Variants in EPB41L3 observed in about 807,000 individuals in gnomAD.
The protein encoded by EPB41L3 is band 4.1-like protein 3.
A neutral mutation model predicts 127.1 loss-of-function variants in EPB41L3; 57 were observed. The ratio of observed to expected loss-of-function variants is 0.45; its 90% CI spans 0.36 to 0.56. The LOEUF is 0.56. Among genes scored for constraint, EPB41L3 ranks in the 20% least tolerant of loss-of-function variants. EPB41L3 has a pLI of 0.00. For synonymous variants in EPB41L3, 572 were observed against 549.5 expected (o/e 1.04, Z -0.57); for missense variants, 1,273 against 1,372.2 (o/e 0.93, Z 1.14).
rs536556814 is a variant in EPB41L3 at position 5,412,160 on chromosome 18, G to T, written c.2068-1541C>A. ...GTTCAGGTGTACAGAATAACTCAAA[G>T]ATCTTAGGCTTTCAAGAATAAATAA... On this transcript the variant is annotated intron_variant, in intron 13 of 22. Coordinates refer to ENST00000341928, the MANE Select transcript of EPB41L3 (RefSeq NM_012307.5). 5.9e-5 allele frequency among the ~76,000 whole-genome samples: 9 copies of T among 152,240 alleles called. No homozygotes were observed. In the South Asian group the frequency reaches 1.9e-3, roughly 32 times the overall value.
intron 1 of EPB41L3, among the ~76,000 whole-genome samples, chr18:5,506,399 A>G (rs770320035): frequency 2.6e-4 from 39 of 151,988 alleles, no homozygotes; most frequent in Non-Finnish European, 4.6e-4. Context: ...CTCCCACCCG[A>G]GGCCTCTACA....
rs758927963 is a variant in EPB41L3 at position 5,398,161 on chromosome 18, G to C, written c.2350-18C>G. On this transcript the variant is annotated intron_variant, in intron 16 of 22. Coordinates refer to ENST00000341928, the MANE Select transcript of EPB41L3 (RefSeq NM_012307.5). ...TGCTTAGTCTGAGTGAACAAAGAGA[G>C]GCAGAGTCAAGCACAAAAGAGAGAC... The C allele has an allele frequency of 1.1e-5, 17 of 1,613,490 alleles. No homozygotes were observed. The East Asian group carries it at 3.6e-4, about 34-fold the overall frequency.
chr18:5,613,007 T>C (rs2094746764), intron 2 of EPB41L3, among the ~76,000 whole-genome samples: 1 of 152,216 alleles, frequency 6.6e-6, no homozygotes, highest in Non-Finnish European at 1.5e-5. Context: ...CCCAAAGTGC[T>C]AGGATTACAG....
chr18:5,516,424 G>T (rs961616586), intron 1 of EPB41L3, among the ~76,000 whole-genome samples: 2 of 152,194 alleles, frequency 1.3e-5, no homozygotes, highest in Non-Finnish European at 2.9e-5. Flanking sequence ...ACTGGTTCCT[G>T]ACATTATCAG....
intron 3 of EPB41L3, among the ~76,000 whole-genome samples, chr18:5,448,963 TTTAA>T (rs1446978189): frequency 6.6e-6 from 1 of 152,222 alleles, no homozygotes; most frequent in African/African-American, 2.4e-5. Flanking sequence ...ACATTTTTTC[TTTAA>T]TTAAAAAATT....
chr18:5,407,664 G>A (rs1404485499), intron 15 of EPB41L3, 37 bp downstream of exon 15: 9 of 1,581,800 alleles, frequency 5.7e-6, no homozygotes, highest in South Asian at 2.2e-5. Flanking sequence ...CTGTTGTTTT[G>A]TTGTTGTTGT....
At chr18:5,407,661 TTTGTTG>T in intron 15 of EPB41L3, 34 bp downstream of exon 15, 2 of 1,599,054 alleles carry the variant, frequency 1.3e-6, no homozygotes. Flanking sequence ...ACACTGTTGT[TTTGTTG>T]TTGTTGTTGT....
chr18:5,507,553 T>C (rs2148622347), intron 1 of EPB41L3, among the ~76,000 whole-genome samples: 1 of 152,310 alleles, frequency 6.6e-6, no homozygotes, highest in East Asian at 1.9e-4. Context: ...GTAAACTCTC[T>C]AAAAATCAAT....
In EPB41L3 at chr18:5,392,504, C is replaced by A. The variant is rs2072585638; in HGVS notation, c.*981G>T. On this transcript the variant is annotated 3_prime_UTR_variant, in exon 23 of 23. Coordinates refer to ENST00000341928, the MANE Select transcript of EPB41L3 (RefSeq NM_012307.5). ...TTTTGAAGGCTATTTATAACTAACA[C>A]TAAATAGTTTTAATTACAGTGGAAA... is the stretch of plus-strand genomic sequence containing the variant. The A allele has an allele frequency of 6.5e-6, 1 of 152,696 alleles. No individual in the cohort carries two copies. Among genetic ancestry groups the A allele is most frequent in the African/African-American group, 2.4e-5 (1 of 41,558 alleles). 9.5% of individuals were successfully genotyped at this position (152,696 alleles called of 1,614,324 possible).
At chr18:5,438,506 T>C (rs996240978) in intron 5 of EPB41L3, among the ~76,000 whole-genome samples, 6 of 152,218 alleles carry the variant, frequency 3.9e-5, no homozygotes, top group Admixed American at 1.3e-4. Flanking sequence ...ACAATCATAA[T>C]TCCCATTTTC....
intron 3 of EPB41L3, among the ~76,000 whole-genome samples, chr18:5,459,823 TATC>T (rs1174064833): frequency 6.6e-5 from 10 of 152,240 alleles, no homozygotes; most frequent in South Asian, 2.1e-4. Context: ...AATAAACTAT[TATC>T]ATAGAATCAT....
At chr18:5,574,644 G>C (rs1041086601) in intron 3 of EPB41L3, among the ~76,000 whole-genome samples, 2 of 152,016 alleles carry the variant, frequency 1.3e-5, no homozygotes, top group Admixed American at 6.5e-5. Context: ...CCAGGCAGAG[G>C]CTCTGCCTAT....
intron 3 of EPB41L3, among the ~76,000 whole-genome samples, chr18:5,562,969 T>C (rs144117712): frequency 6.6e-6 from 1 of 152,340 alleles, no homozygotes; most frequent in East Asian, 1.9e-4. Context: ...TCTTGTCTAG[T>C]GGGACAACTG....
At chr18:5,610,118 G>A (rs2094708820) in intron 3 of EPB41L3, 1 of 985,242 alleles carries the variant, frequency 1.0e-6, no homozygotes, top group African/African-American at 1.7e-5. Context: ...GAAGTCAACA[G>A]CTTAAACACA....
intron 12 of EPB41L3, among the ~76,000 whole-genome samples, chr18:5,416,748 C>A (rs1206748960): frequency 6.6e-6 from 1 of 152,052 alleles, no homozygotes; most frequent in Non-Finnish European, 1.5e-5. Context: ...GATAACTTAA[C>A]ATGAAGACTT....
Position 5,410,589 on chromosome 18 carries a change from C to T in EPB41L3, c.2098G>A (p.Asp700Asn), listed in dbSNP as rs61731698. 113 of 1,613,732 alleles carry T rather than the reference C, an allele frequency of 7.0e-5. 1 individual carries two copies. The Middle Eastern group carries it at 8.3e-4, about 12-fold the overall frequency. Residue 700 changes from aspartate to asparagine, a missense_variant, in exon 14 of 23, where the codon GAC becomes AAC. Transcript: ENST00000341928. ...TDSERTDTAADGETTATESDQ... is the reference protein window; with the variant it reads ...TDSERTDTAANGETTATESDQ... ...ACCTCAGTGGCAGTGGTCTCCCCGTCGGCTGCGGTGTCCGTGCGCTCACTG... is the reference window on the plus strand; with the variant it reads ...ACCTCAGTGGCAGTGGTCTCCCCGTTGGCTGCGGTGTCCGTGCGCTCACTG...
intron 3 of EPB41L3, among the ~76,000 whole-genome samples, chr18:5,608,849 C>T (rs561198496): frequency 6.6e-6 from 1 of 152,134 alleles, no homozygotes; most frequent in African/African-American, 2.4e-5. Context: ...ATAAGCAAAA[C>T]AGCTGATTAG....
intron 3 of EPB41L3, among the ~76,000 whole-genome samples, chr18:5,566,666 C>T (rs907582461): frequency 3.9e-5 from 6 of 152,076 alleles, no homozygotes; most frequent in Non-Finnish European, 7.4e-5. Context: ...CAATCCTAAG[C>T]CAAAGGAACA....
chr18:5,503,278 C>G (rs577211963), intron 1 of EPB41L3, among the ~76,000 whole-genome samples: 2 of 152,040 alleles, frequency 1.3e-5, no homozygotes, highest in African/African-American at 2.4e-5. Context: ...CCTACATTAA[C>G]GTAACTGGAT....
Sources: gnomAD v4.1 joint callset for allele counts (sites outside exome capture counted in the v4.1 genomes callset) on GRCh38, gnomAD v4.1.1 for gene constraint, MANE v1.5 for transcripts, NCBI Gene and HGNC (gene_info 2026-07-23, HGNC 2026-07-21) for gene names.